The following CDH23 variants were observed in gnomAD, a reference collection of about 807,000 sequenced individuals.
CDH23 encodes cadherin-23.
CDH23 carries 189 observed loss-of-function variants against 317.1 expected under a neutral mutation model. The ratio of observed to expected loss-of-function variants is 0.60; its 90% CI spans 0.53 to 0.67. CDH23 has a LOEUF of 0.67. CDH23 is among the 30% of genes least tolerant of loss of function. The probability of loss-of-function intolerance (pLI) is 0.00; values close to 1 mark genes in which losing one functional copy is unlikely to be tolerated. For synonymous variants in CDH23, 1,839 were observed against 1,876.8 expected, an observed-to-expected ratio of 0.98 and a Z score of 0.52; for missense variants, 4,401 against 4,592.4, an observed-to-expected ratio of 0.96 and a Z score of 1.20.
chr10:71,459,865 C>T (rs1850893860), intron 3 of CDH23, among the ~76,000 whole-genome samples: 1 of 152,202 alleles, frequency 6.6e-6, no homozygotes, highest in Non-Finnish European at 1.5e-5. Context: ...GTCTGCAGGG[C>T]TTTCCTAAGT....
chr10:71,453,942 AT>A (rs1225625582), intron 3 of CDH23, among the ~76,000 whole-genome samples: 1 of 152,210 alleles, frequency 6.6e-6, no homozygotes, highest in Middle Eastern at 3.2e-3. Flanking sequence ...ACGAAAAAAA[AT>A]ATAGGGGGTG....
intron 11 of CDH23, among the ~76,000 whole-genome samples, chr10:71,626,182 T>A (rs1485926415): frequency 6.6e-6 from 1 of 152,214 alleles, no homozygotes; most frequent in East Asian, 1.9e-4. Context: ...TGTATTTTAG[T>A]GTGTGGAAAA....
intron 29 of CDH23, 67 bp downstream of exon 29, chr10:71,724,172 C>A: frequency 2.0e-6 from 3 of 1,516,342 alleles, no homozygotes; most frequent in Non-Finnish European, 1.8e-6. Flanking sequence ...CTTCTCTAGG[C>A]TGCCAAAGGT....
chr10:71,643,574 C>A (rs559589630), intron 11 of CDH23, among the ~76,000 whole-genome samples: 1 of 151,656 alleles, frequency 6.6e-6, no homozygotes, highest in Admixed American at 6.6e-5. Flanking sequence ...CCCCTCACCT[C>A]CTCACCCTTC....
chr10:71,606,469 C>T (rs78349183), intron 9 of CDH23, among the ~76,000 whole-genome samples: 2,774 of 152,230 alleles, frequency 0.018, 183 homozygotes, highest in East Asian at 0.15. Flanking sequence ...CAGGAGTCAC[C>T]CCAGTATCAC....
chr10:71,602,130 T>C (rs1860263999), intron 9 of CDH23, among the ~76,000 whole-genome samples: 1 of 152,170 alleles, frequency 6.6e-6, no homozygotes, highest in African/African-American at 2.4e-5. Flanking sequence ...GGAGCACAAT[T>C]TGATTCATAA....
At chr10:71,614,481 A>G (rs1861075320) in intron 9 of CDH23, among the ~76,000 whole-genome samples, 2 of 152,222 alleles carry the variant, frequency 1.3e-5, no homozygotes, top group Non-Finnish European at 2.9e-5. Flanking sequence ...GGCCCAGGTG[A>G]GGAACATGCC....
At chr10:71,446,215 C>A in intron 2 of CDH23, 103 bp from the exon 3 acceptor site, 1 of 1,120,426 alleles carries the variant, frequency 8.9e-7, no homozygotes, top group Non-Finnish European at 1.3e-6. Flanking sequence ...TGGCCATGGA[C>A]ACAGGCTCAG....
chr10:71,440,224 A>G (rs1407530045), intron 2 of CDH23, among the ~76,000 whole-genome samples: 12 of 152,158 alleles, frequency 7.9e-5, no homozygotes, highest in Admixed American at 7.9e-4. Context: ...CCACAGCTCT[A>G]TTCAGTTCCA....
At chr10:71,516,007 A>G (rs56753577) in intron 6 of CDH23, among the ~76,000 whole-genome samples, 10,607 of 152,272 alleles carry the variant, frequency 0.07, 1,220 homozygotes, top group African/African-American at 0.23. Flanking sequence ...GAAAGAGACT[A>G]TGGTGTCTAT....
intron 8 of CDH23, among the ~76,000 whole-genome samples, chr10:71,571,569 T>C (rs894516436): frequency 6.6e-6 from 1 of 152,188 alleles, no homozygotes; most frequent in Non-Finnish European, 1.5e-5. Flanking sequence ...TGCAAGGCTG[T>C]GGATGGAGCA....
intron 38 of CDH23, among the ~76,000 whole-genome samples, chr10:71,760,200 T>C (rs1589404161): frequency 2.0e-5 from 1 of 50,404 alleles, no homozygotes; most frequent in South Asian, 8.8e-4. Flanking sequence ...TGTATATACA[T>C]ATATATGTGT....
intron 11 of CDH23, chr10:71,622,926 G>A: frequency 1.0e-6 from 1 of 985,418 alleles, no homozygotes; most frequent in African/African-American, 1.7e-5. Context: ...AGGCCTTCGG[G>A]CCTCATTAAT....
chr10:71,588,404 A>G (rs74234119), intron 9 of CDH23, among the ~76,000 whole-genome samples: 15,565 of 152,038 alleles, frequency 0.1, 824 homozygotes, highest in Middle Eastern at 0.14. Flanking sequence ...CATCTGTGAA[A>G]TGGGAATATT....
Position 71,741,153 on chromosome 10 carries a change from G to A in CDH23, c.4617+203G>A, listed in dbSNP as rs1019558003. 7.7e-4 allele frequency among the ~76,000 whole-genome samples: 117 copies of A among 152,322 alleles called. 2 individuals carry two copies. Among genetic ancestry groups the A allele is most frequent in the African/African-American group, 2.8e-3 (117 of 41,558 alleles). ...AGTATCTTTTTGGAGTAGAGGAGAA[G>A]AGAAAAGAGAAAAAGAAGAAAGTTG... On this transcript the variant is annotated intron_variant, in intron 37 of 69. Transcript: ENST00000224721.
chr10:71,425,709 C>CT (rs1324227425), intron 1 of CDH23, among the ~76,000 whole-genome samples: 3 of 152,252 alleles, frequency 2.0e-5, no homozygotes, highest in African/African-American at 7.2e-5. Flanking sequence ...GGCCCAGACT[C>CT]TGTTGCTGAC....
chr10:71,598,264 G>A (rs967300384), intron 9 of CDH23, among the ~76,000 whole-genome samples: 3 of 152,214 alleles, frequency 2.0e-5, no homozygotes, highest in African/African-American at 7.2e-5. Flanking sequence ...CTCTGTTCTG[G>A]CCTAGGCTGG....
intron 3 of CDH23, among the ~76,000 whole-genome samples, chr10:71,483,987 T>A (rs1852208888): frequency 6.6e-6 from 1 of 152,146 alleles, no homozygotes. Flanking sequence ...GGTCTTGTCC[T>A]CCAGCCCGAG....
rs746321294 is a variant in CDH23, at chr10:71,741,879, C to G, written c.4803C>G (p.His1601Gln). The change falls in exon 38 of 70, where the codon CAC becomes CAG. Residue 1601 changes from histidine to glutamine, a missense_variant. By Grantham distance (24) the His-to-Gln change is conservative (BLOSUM62 0). Coordinates refer to ENST00000224721, the MANE Select transcript of CDH23 (RefSeq NM_022124.6). ...ACCGCGAGCGCCAGAGCTTCTACCA[C>G]CTGGTGGCCACTGTGGAGGACGAGG... ...PPDRERQSFY[H>Q]LVATVEDEGT... 2 of 1,609,760 alleles carry G rather than the reference C, an allele frequency of 1.2e-6. No individual in the cohort carries two copies. Among genetic ancestry groups the G allele is most frequent in the South Asian group, 2.2e-5 (2 of 90,172 alleles).
Sources: gnomAD v4.1 joint callset for allele counts (sites outside exome capture counted in the v4.1 genomes callset) on GRCh38, gnomAD v4.1.1 for gene constraint, MANE v1.5 for transcripts, NCBI Gene and HGNC (gene_info 2026-07-23, HGNC 2026-07-21) for gene names.